CELF4: variants seen among roughly 807,000 people sequenced by gnomAD.
The protein encoded by CELF4 is CUG-BP- and ETR-3-like factor 4.
Under a neutral mutation model 59.9 loss-of-function variants are expected in CELF4, and 18 were observed. The observed-to-expected ratio is 0.30, with a 90% confidence interval of 0.21 to 0.45. The LOEUF (loss-of-function observed/expected upper bound fraction) is 0.45, where lower values mean the gene tolerates loss of function less well. Among genes scored for constraint, CELF4 ranks in the 20% least tolerant of loss-of-function variants. The probability of loss-of-function intolerance (pLI) is 1.00; values close to 1 mark genes in which losing one functional copy is unlikely to be tolerated. For synonymous variants in CELF4, 261 were observed against 267.1 expected, an observed-to-expected ratio of 0.98 and a Z score of 0.22; for missense variants, 456 against 689.0, an observed-to-expected ratio of 0.66 and a Z score of 3.79.
At chr18:37,501,211 G>A (rs890247443) in intron 1 of CELF4, among the ~76,000 whole-genome samples, 2 of 152,230 alleles carry the variant, frequency 1.3e-5, no homozygotes, top group African/African-American at 2.4e-5. Flanking sequence ...TAGCTCAGAC[G>A]CCAGGATAGG....
intron 2 of CELF4, among the ~76,000 whole-genome samples, chr18:37,370,344 C>G (rs1213576772): frequency 6.6e-6 from 1 of 152,220 alleles, no homozygotes; most frequent in Non-Finnish European, 1.5e-5. Flanking sequence ...GGGCTCCACT[C>G]TTCCCACCTT....
At chr18:37,361,570 G>A (rs1042714872) in intron 2 of CELF4, among the ~76,000 whole-genome samples, 3 of 152,170 alleles carry the variant, frequency 2.0e-5, no homozygotes, top group Non-Finnish European at 2.9e-5. Context: ...TAGCTGCCTC[G>A]TTTACAGTTG....
chr18:37,392,973 G>A (rs144705888), intron 2 of CELF4, among the ~76,000 whole-genome samples: 6 of 152,180 alleles, frequency 3.9e-5, no homozygotes, highest in Middle Eastern at 3.4e-3. Context: ...TTTTATTTTT[G>A]TCTGTTCCCT....
intron 3 of CELF4, among the ~76,000 whole-genome samples, chr18:37,311,396 TTTGGGTCCAG>T (rs1275009240): frequency 1.3e-5 from 2 of 152,172 alleles, no homozygotes; most frequent in Non-Finnish European, 2.9e-5. Context: ...GCAGCTGCTG[TTTGGGTCCAG>T]TTGTGTAAAT....
At chr18:37,426,457 G>T (rs1157270791) in intron 2 of CELF4, among the ~76,000 whole-genome samples, 1 of 152,202 alleles carries the variant, frequency 6.6e-6, no homozygotes, top group Non-Finnish European at 1.5e-5. Flanking sequence ...AGAGGCCCAG[G>T]GTCACACAGG....
intron 2 of CELF4, among the ~76,000 whole-genome samples, chr18:37,482,600 C>CTGGTT (rs2099871090): frequency 6.6e-6 from 1 of 152,156 alleles, no homozygotes; most frequent in Non-Finnish European, 1.5e-5. Flanking sequence ...TAAGAACAGC[C>CTGGTT]ACTGTGGTCT....
chr18:37,539,063 C>A (rs917087584), intron 1 of CELF4, among the ~76,000 whole-genome samples: 6 of 152,128 alleles, frequency 3.9e-5, no homozygotes, highest in Admixed American at 3.3e-4. Context: ...TCGGTCTCAT[C>A]AGGGTTCTCA....
intron 3 of CELF4, among the ~76,000 whole-genome samples, chr18:37,294,305 T>C (rs1174592352): frequency 6.6e-6 from 1 of 152,162 alleles, no homozygotes; most frequent in African/African-American, 2.4e-5. Flanking sequence ...AAGTTCTTGA[T>C]AAAAATGTTC....
At chr18:37,505,918 C>A (rs2099937336) in intron 1 of CELF4, among the ~76,000 whole-genome samples, 1 of 152,186 alleles carries the variant, frequency 6.6e-6, no homozygotes, top group South Asian at 2.1e-4. Context: ...CACACTGGAG[C>A]AAGTCTTTTC....
intron 2 of CELF4, among the ~76,000 whole-genome samples, chr18:37,427,040 G>GA (rs1049166984): frequency 1.4e-5 from 2 of 146,512 alleles, no homozygotes; most frequent in African/African-American, 2.5e-5. Context: ...AGGGACACGG[G>GA]GGGGGGGGAA....
At chr18:37,312,126 A>G (rs574150920) in intron 3 of CELF4, among the ~76,000 whole-genome samples, 149 of 117,288 alleles carry the variant, frequency 1.3e-3, no homozygotes, top group Non-Finnish European at 2.3e-3. Flanking sequence ...AAAAAAAAAA[A>G]AAAAGAAAAA....
chr18:37,486,509 G>A (rs1041887652), intron 1 of CELF4, among the ~76,000 whole-genome samples: 1 of 152,238 alleles, frequency 6.6e-6, no homozygotes, highest in Non-Finnish European at 1.5e-5. Flanking sequence ...GGATGGGGGA[G>A]TCTTTCTGGG....
At chr18:37,485,296 C>A (rs1466829143) in intron 2 of CELF4, among the ~76,000 whole-genome samples, 1 of 151,870 alleles carries the variant, frequency 6.6e-6, no homozygotes, top group Non-Finnish European at 1.5e-5. Context: ...CCCCAGGCTG[C>A]CCGCGCAGGA....
intron 1 of CELF4, among the ~76,000 whole-genome samples, chr18:37,558,292 G>A (rs923015267): frequency 4.6e-5 from 7 of 151,882 alleles, no homozygotes; most frequent in Non-Finnish European, 8.8e-5. Context: ...AGGGCTATGC[G>A]GAACTTGATG....
chr18:37,440,059 G>A (rs115288555), intron 2 of CELF4, among the ~76,000 whole-genome samples: 96 of 152,314 alleles, frequency 6.3e-4, no homozygotes, highest in African/African-American at 2.1e-3. Context: ...TCTTGCCCAG[G>A]CTCAGCCTTG....
In CELF4 at chr18:37,421,499, C is replaced by A. The variant is rs1350168571; in HGVS notation, c.369+64026G>T. On this transcript the variant is annotated intron_variant, in intron 2 of 12. Transcript: ENST00000420428. ...ACAATGAAGAAGGCAGCCTAGGAGT[C>A]CAACCCCAGCCTCCTGCCCTGATTA... Among the ~76,000 whole-genome samples the A allele has an allele frequency of 3.3e-5, 5 of 152,360 alleles. No individual in the cohort carries two copies. In the East Asian group the frequency reaches 9.7e-4, roughly 29 times the overall value.
intron 12 of CELF4, among the ~76,000 whole-genome samples, chr18:37,251,160 AC>A (rs2065223863): frequency 6.6e-6 from 1 of 151,932 alleles, no homozygotes; most frequent in Non-Finnish European, 1.5e-5. Context: ...TACTAACACT[AC>A]CTACCTTATA....
chr18:37,524,438 G>A (rs1010187851), intron 1 of CELF4, among the ~76,000 whole-genome samples: 1 of 152,140 alleles, frequency 6.6e-6, no homozygotes, highest in Non-Finnish European at 1.5e-5. Context: ...TTAACTCCAG[G>A]CTGTCTTGAT....
chr18:37,514,176 A>G (rs938565573), intron 1 of CELF4, among the ~76,000 whole-genome samples: 5 of 152,086 alleles, frequency 3.3e-5, no homozygotes, highest in African/African-American at 1.2e-4. Context: ...TCAAACAACT[A>G]GAGGCTCTGA....
Sources: allele counts gnomAD v4.1 joint callset (sites outside exome capture counted in the v4.1 genomes callset), GRCh38; gene constraint gnomAD v4.1.1; transcripts MANE v1.5; gene names NCBI Gene and HGNC (gene_info 2026-07-23, HGNC 2026-07-21).